The following PFKFB3 variants were observed in gnomAD, a reference collection of about 807,000 sequenced individuals.
The protein encoded by PFKFB3 is 6-phosphofructo-2-kinase/fructose-2,6-biphosphatase 3, also known as 6-phosphofructo-2-kinase/fructose-2,6-bisphosphatase 3.
Under a neutral mutation model 68.0 loss-of-function variants are expected in PFKFB3, and 33 were observed. The ratio of observed to expected loss-of-function variants is 0.49; its 90% CI spans 0.37 to 0.65. PFKFB3 has a LOEUF of 0.65. Ranked by LOEUF, PFKFB3 falls within the 30% of genes least tolerant of loss-of-function variation. The pLI is 0.00. For missense variants in PFKFB3, 586 were observed against 712.2 expected, an observed-to-expected ratio of 0.82 and a Z score of 2.02; for synonymous variants, 315 against 288.2, an observed-to-expected ratio of 1.09 and a Z score of -0.94.
chr10:6,158,695 A>T (rs886523401), intron 1 of PFKFB3, among the ~76,000 whole-genome samples: 2 of 151,900 alleles, frequency 1.3e-5, no homozygotes, highest in Non-Finnish European at 2.9e-5. Flanking sequence ...GTGAAACCCC[A>T]TCTCTACTAA....
chr10:6,217,453 A>G (rs1844660889), intron 6 of PFKFB3, among the ~76,000 whole-genome samples: 1 of 152,206 alleles, frequency 6.6e-6, no homozygotes, highest in African/African-American at 2.4e-5. Flanking sequence ...AGATAGGATT[A>G]GTTTCTGTTG....
intron 1 of PFKFB3, among the ~76,000 whole-genome samples, chr10:6,158,793 A>G (rs118053953): frequency 0.011 from 1,634 of 151,790 alleles, 67 homozygotes; most frequent in East Asian, 0.1. Flanking sequence ...CTTGAACCTA[A>G]GAGGCGGAGG....
At chr10:6,223,383 G>C (rs779722118) in intron 11 of PFKFB3, among the ~76,000 whole-genome samples, 5 of 152,198 alleles carry the variant, frequency 3.3e-5, no homozygotes, top group Non-Finnish European at 5.9e-5. Context: ...GTCCAGTGCA[G>C]CTGAATCCCT....
the PFKFB3 span, among the ~76,000 whole-genome samples, chr10:6,317,723 A>G: frequency 6.6e-6 from 1 of 152,188 alleles, no homozygotes; most frequent in Non-Finnish European, 1.5e-5. Context: ...ACCTTCTTCC[A>G]TAAAGAATGA....
intron 14 of PFKFB3, among the ~76,000 whole-genome samples, chr10:6,252,353 A>G (rs113255554): frequency 6.6e-6 from 1 of 152,358 alleles, no homozygotes; most frequent in Non-Finnish European, 1.5e-5. Context: ...GGGGTTAACA[A>G]TAGTGTATAC....
chr10:6,225,057 G>A (rs1845244128), intron 13 of PFKFB3: 2 of 452,402 alleles, frequency 4.4e-6, no homozygotes, highest in South Asian at 3.1e-5. Context: ...TTGGGGGGAG[G>A]CCTGACATTT....
In PFKFB3 at chr10:6,182,981, G is replaced by A. The variant is rs117729862; in HGVS notation, c.17-30642G>A. ...CACAGGTTGAGAACATGGATGGGGC[G>A]GTGCCCAGCACGGTCCCTGGCTCCA... On this transcript the variant is annotated intron_variant, in intron 1 of 14. Transcript: ENST00000379789. 5.3e-3 allele frequency among the ~76,000 whole-genome samples: 813 copies of A among 152,190 alleles called. 3 individuals are homozygous for A. The highest frequency in any genetic ancestry group is 0.032 in the East Asian group (167 of 5,156).
At chr10:6,213,215 CT>C (rs1844345706) in intron 1 of PFKFB3, among the ~76,000 whole-genome samples, 1 of 152,146 alleles carries the variant, frequency 6.6e-6, no homozygotes, top group Admixed American at 6.5e-5. Context: ...ATGCCAGGGG[CT>C]TCAGGATGGG....
chr10:6,263,325 C>T, the PFKFB3 span, among the ~76,000 whole-genome samples: 16 of 152,246 alleles, frequency 1.1e-4, no homozygotes, highest in African/African-American at 3.9e-4. Flanking sequence ...GTTTTCCCGC[C>T]CTGGGTGGGC....
At chr10:6,258,813 G>A (rs1233229974), downstream of PFKFB3, among the ~76,000 whole-genome samples, 1 of 152,126 alleles carries the variant, frequency 6.6e-6, no homozygotes, top group African/African-American at 2.4e-5. Context: ...CTTCCCACTT[G>A]GTGGTAGGTT....
In PFKFB3 at chr10:6,211,777, G is replaced by A. The variant is rs138759164; in HGVS notation, c.77-1846G>A. 2.0e-3 allele frequency among the ~76,000 whole-genome samples: 311 copies of A among 152,322 alleles called. 3 individuals carry two copies. Among genetic ancestry groups the A allele is most frequent in the African/African-American group, 6.8e-3 (281 of 41,568 alleles). On this transcript the variant is annotated intron_variant, in intron 1 of 14. Coordinates refer to ENST00000379775, the MANE Select transcript of PFKFB3 (RefSeq NM_004566.4). ...AGCATGGCAGCCCAGGGCTTTTAGC[G>A]TCTCCTCATCTGCTGATAGCCTGTC...
rs188935834 is a variant in PFKFB3 at position 6,170,610 on chromosome 10, G to A, written c.16+25597G>A. Among the ~76,000 whole-genome samples the A allele has an allele frequency of 8.8e-4, 134 of 152,338 alleles. 1 individual carries two copies. The highest frequency in any genetic ancestry group is 2.5e-3 in the African/African-American group (105 of 41,574). On this transcript the variant is annotated intron_variant, in intron 1 of 14. Coordinates refer to the PFKFB3 transcript ENST00000379789. ...CCACAAAAATCCATGGGGTCATTGA[G>A]GTGCAAATGGAAAGACCAGGAGCAA...
chr10:6,213,652 A>G lies in PFKFB3; in HGVS notation c.106A>G (p.Thr36Ala), dbSNP rs1250199808. Reference sequence around the variant, plus strand: ...TGGGCCAAAGCTGACCAACTCCCCCACCGTCATCGTCATGGTGGGCCTCCC... The same window carrying G: ...TGGGCCAAAGCTGACCAACTCCCCCGCCGTCATCGTCATGGTGGGCCTCCC... Reference protein sequence around the residue: ...SCGPKLTNSPTVIVMVGLPAR... With the variant: ...SCGPKLTNSPAVIVMVGLPAR... The change falls in exon 2 of 15, where the codon ACC (threonine) becomes GCC (alanine). Residue 36 changes from threonine to alanine, a missense_variant. Physicochemically the swap from Thr to Ala is moderately conservative, Grantham distance 58. Coordinates refer to ENST00000379775, the MANE Select transcript of PFKFB3 (RefSeq NM_004566.4). 1.9e-6 allele frequency: 3 copies of G among 1,612,708 alleles called. No individual in the cohort carries two copies. The African/African-American group carries it at 4.0e-5, about 22-fold the overall frequency.
At chr10:6,249,178 T>TAAAAAAAAAAAAAAAA (rs71391803) in intron 14 of PFKFB3, among the ~76,000 whole-genome samples, 1 of 76,960 alleles carries the variant, frequency 1.3e-5, no homozygotes, top group Non-Finnish European at 2.6e-5. Flanking sequence ...CCGTCTCAAT[T>TAAAAAAAAAAAAAAAA]AAAAAAAAAA....
chr10:6,156,106 ATAT>A (rs1446665041), intron 1 of PFKFB3, among the ~76,000 whole-genome samples: 1 of 145,438 alleles, frequency 6.9e-6, no homozygotes. Flanking sequence ...CAAAGAAGAG[ATAT>A]TATATATATG....
the PFKFB3 span, among the ~76,000 whole-genome samples, chr10:6,262,723 C>T: frequency 6.6e-6 from 1 of 151,950 alleles, no homozygotes; most frequent in South Asian, 2.1e-4. Flanking sequence ...AAACAGAAGC[C>T]CTAAGGTAAC....
At chr10:6,200,867 G>A (rs368250048), upstream of PFKFB3, among the ~76,000 whole-genome samples, 89 of 152,314 alleles carry the variant, frequency 5.8e-4, no homozygotes, top group South Asian at 0.018. Context: ...TGCCCTAAGA[G>A]CTGACCGCTG....
At chr10:6,168,277 C>T (rs1842200092) in intron 1 of PFKFB3, among the ~76,000 whole-genome samples, 1 of 152,224 alleles carries the variant, frequency 6.6e-6, no homozygotes, top group African/African-American at 2.4e-5. Flanking sequence ...GCCACCCACA[C>T]TGACCATGCT....
At chr10:6,289,635 G>A in the PFKFB3 span, among the ~76,000 whole-genome samples, 1 of 152,022 alleles carries the variant, frequency 6.6e-6, no homozygotes, top group South Asian at 2.1e-4. Flanking sequence ...AAGTCAGGTA[G>A]CGTGATGCCT....
Sources: gnomAD v4.1 joint callset for allele counts (sites outside exome capture counted in the v4.1 genomes callset) on GRCh38, gnomAD v4.1.1 for gene constraint, MANE v1.5 for transcripts, NCBI Gene and HGNC (gene_info 2026-07-23, HGNC 2026-07-21) for gene names.